The following NELL1 variants were observed in gnomAD, a reference collection of about 807,000 sequenced individuals.
NELL1 encodes protein kinase C-binding protein NELL1.
In NELL1, 76 loss-of-function variants were observed where a neutral mutation model predicts 107.4. The observed-to-expected ratio is 0.71, with a 90% confidence interval of 0.59 to 0.86. NELL1 has a LOEUF of 0.86. Among genes scored for constraint, NELL1 ranks in the 40% least tolerant of loss-of-function variants. The pLI is 0.00. For missense variants in NELL1, 1,024 were observed against 1,005.5 expected (o/e 1.02, Z -0.25); for synonymous variants, 353 against 341.2 (o/e 1.03, Z -0.38).
At chr11:21,504,812 C>G (rs1010529203) in intron 15 of NELL1, among the ~76,000 whole-genome samples, 1 of 152,148 alleles carries the variant, frequency 6.6e-6, no homozygotes, top group South Asian at 2.1e-4. Flanking sequence ...CTTCCCCAGG[C>G]TGTCACTAGA....
At chr11:21,570,017 A>C (rs1857062084) in intron 17 of NELL1, among the ~76,000 whole-genome samples, 1 of 151,922 alleles carries the variant, frequency 6.6e-6, no homozygotes, top group African/African-American at 2.4e-5. Flanking sequence ...CATAAAAAAA[A>C]GACATGCTGC....
chr11:21,300,134 G>A (rs559656373), intron 14 of NELL1, among the ~76,000 whole-genome samples: 1 of 152,148 alleles, frequency 6.6e-6, no homozygotes, highest in Non-Finnish European at 1.5e-5. Flanking sequence ...CTGGTGGTAA[G>A]AGGACTGAGG....
At chr11:21,190,238 G>C (rs538708835) in intron 13 of NELL1, among the ~76,000 whole-genome samples, 1 of 151,866 alleles carries the variant, frequency 6.6e-6, no homozygotes, top group South Asian at 2.1e-4. Flanking sequence ...TGTAATCCCA[G>C]CTACTCTGGA....
At chr11:20,711,779 G>A (rs547413325) in intron 2 of NELL1, among the ~76,000 whole-genome samples, 1 of 151,910 alleles carries the variant, frequency 6.6e-6, no homozygotes, top group Non-Finnish European at 1.5e-5. Flanking sequence ...TCCTTTATAG[G>A]TTACTTGATG....
chr11:20,694,562 A>G (rs1185515216), intron 2 of NELL1, among the ~76,000 whole-genome samples: 1 of 152,076 alleles, frequency 6.6e-6, no homozygotes, highest in Non-Finnish European at 1.5e-5. Context: ...TTTAGTAAAG[A>G]TCAGATGGTT....
At chr11:21,303,816 T>C (rs1462067989) in intron 14 of NELL1, among the ~76,000 whole-genome samples, 1 of 152,032 alleles carries the variant, frequency 6.6e-6, no homozygotes. Flanking sequence ...TCTTACAGTT[T>C]AGGAGGCTGG....
At chr11:21,207,228 G>A (rs768656148) in intron 13 of NELL1, among the ~76,000 whole-genome samples, 15 of 152,022 alleles carry the variant, frequency 9.9e-5, no homozygotes, top group East Asian at 1.9e-4. Flanking sequence ...ACTTTTTTGC[G>A]TAGTCTCTTT....
intron 3 of NELL1, among the ~76,000 whole-genome samples, chr11:20,844,697 G>A (rs1848675076): frequency 6.6e-6 from 1 of 152,192 alleles, no homozygotes; most frequent in Admixed American, 6.5e-5. Flanking sequence ...CAGGAAGTAA[G>A]GCAACACCTG....
chr11:20,784,202 G>T (rs1329923362), intron 3 of NELL1, among the ~76,000 whole-genome samples: 1 of 152,222 alleles, frequency 6.6e-6, no homozygotes, highest in South Asian at 2.1e-4. Context: ...GGTGAATAGT[G>T]TATGATCTTC....
chr11:21,492,591 T>C (rs1050855208), intron 15 of NELL1, among the ~76,000 whole-genome samples: 3 of 151,916 alleles, frequency 2.0e-5, no homozygotes, highest in Non-Finnish European at 4.4e-5. Flanking sequence ...TCATGTCCTT[T>C]GTAGGGACAT....
intron 12 of NELL1, among the ~76,000 whole-genome samples, chr11:20,994,751 T>G (rs1360759475): frequency 3.3e-5 from 5 of 152,344 alleles, no homozygotes; most frequent in Admixed American, 6.5e-5. Context: ...CTAGAATTAT[T>G]TGTTGTCCCC....
chr11:21,052,370 G>A (rs1297278360), intron 12 of NELL1, among the ~76,000 whole-genome samples: 3 of 152,004 alleles, frequency 2.0e-5, no homozygotes, highest in Admixed American at 1.3e-4. Context: ...TGTGGCAAGC[G>A]GGGAGGCAGG....
chr11:21,550,981 T>G lies in NELL1; in HGVS notation c.1787-9208T>G, dbSNP rs1856566938. Reference sequence around the variant, plus strand: ...ATTCTTCCTACCCATGAGCATGGAATGTTCTTCCATTTGGTTTTATCCTCT... The same window carrying G: ...ATTCTTCCTACCCATGAGCATGGAAGGTTCTTCCATTTGGTTTTATCCTCT... On this transcript the variant is annotated intron_variant, in intron 16 of 19. Transcript: ENST00000357134. Among the ~76,000 whole-genome samples, 3 of 151,056 alleles carry G rather than the reference T, an allele frequency of 2.0e-5. No homozygotes were observed. In the Admixed American group the frequency reaches 2.0e-4, roughly 10 times the overall value.
intron 4 of NELL1, among the ~76,000 whole-genome samples, chr11:20,879,381 G>C (rs991742769): frequency 6.6e-6 from 1 of 152,158 alleles, no homozygotes; most frequent in Non-Finnish European, 1.5e-5. Flanking sequence ...TATAATGTAA[G>C]GGTAGTCCTG....
chr11:21,003,050 A>G (rs894189439), intron 12 of NELL1, among the ~76,000 whole-genome samples: 1 of 152,122 alleles, frequency 6.6e-6, no homozygotes, highest in Non-Finnish European at 1.5e-5. Flanking sequence ...TAAATGTGCG[A>G]TCTCTTCTCA....
intron 2 of NELL1, among the ~76,000 whole-genome samples, chr11:20,752,641 CT>C (rs780884431): frequency 5.3e-5 from 8 of 152,304 alleles, no homozygotes; most frequent in South Asian, 4.1e-4. Flanking sequence ...GGCACCAACT[CT>C]AGTTCAAGTC....
intron 4 of NELL1, among the ~76,000 whole-genome samples, chr11:20,880,243 G>A (rs1198395153): frequency 6.6e-6 from 1 of 152,162 alleles, no homozygotes; most frequent in Non-Finnish European, 1.5e-5. Flanking sequence ...AAGATATTGA[G>A]ACTTCCCATC....
chr11:20,936,206 T>C (rs1478518060), intron 9 of NELL1, among the ~76,000 whole-genome samples: 1 of 152,116 alleles, frequency 6.6e-6, no homozygotes, highest in Non-Finnish European at 1.5e-5. Flanking sequence ...TTGTCCTCAG[T>C]TGGAGAAAGG....
intron 5 of NELL1, among the ~76,000 whole-genome samples, chr11:20,891,693 A>G (rs750282138): frequency 1.3e-5 from 2 of 152,126 alleles, no homozygotes; most frequent in African/African-American, 2.4e-5. Flanking sequence ...GGAAGGCAAA[A>G]AAAGGCAGGG....
Sources: gnomAD v4.1 joint callset for allele counts (sites outside exome capture counted in the v4.1 genomes callset) on GRCh38, gnomAD v4.1.1 for gene constraint, MANE v1.5 for transcripts, NCBI Gene and HGNC (gene_info 2026-07-23, HGNC 2026-07-21) for gene names.